STAG1: variants seen among roughly 807,000 people sequenced by gnomAD.
The protein encoded by STAG1 is STAG1 cohesin complex component, also known as cohesin subunit SA-1.
Under a neutral mutation model 170.9 loss-of-function variants are expected in STAG1, and 26 were observed. The ratio of observed to expected loss-of-function variants is 0.15; its 90% CI spans 0.11 to 0.21. The LOEUF is 0.21. Ranked by LOEUF, STAG1 falls within the 10% of genes least tolerant of loss-of-function variation. The pLI is 1.00. For synonymous variants in STAG1, 514 were observed against 497.7 expected (o/e 1.03, Z -0.44); for missense variants, 964 against 1,509.5 (o/e 0.64, Z 5.99).
intron 1 of STAG1, among the ~76,000 whole-genome samples, chr3:136,693,950 CATGTT>C (rs1942804264): frequency 6.6e-6 from 1 of 152,062 alleles, no homozygotes; most frequent in South Asian, 2.1e-4. Flanking sequence ...TCTCCCATTC[CATGTT>C]AGCTCTTTTA....
intron 1 of STAG1, among the ~76,000 whole-genome samples, chr3:136,663,073 A>AAAATT (rs907243711): frequency 1.3e-5 from 2 of 152,076 alleles, no homozygotes; most frequent in Admixed American, 1.3e-4. Context: ...ATAAAATAGT[A>AAAATT]AAATTAAATT....
chr3:136,358,014 A>G (rs781267261), intron 27 of STAG1, among the ~76,000 whole-genome samples, 166 bp from the exon 28 acceptor site: 2 of 152,182 alleles, frequency 1.3e-5, no homozygotes, highest in Non-Finnish European at 2.9e-5. Flanking sequence ...ATATTTGTGT[A>G]TATTTATAGT....
intron 1 of STAG1, among the ~76,000 whole-genome samples, chr3:136,687,576 T>C (rs947318426): frequency 6.6e-6 from 1 of 152,056 alleles, no homozygotes; most frequent in African/African-American, 2.4e-5. Context: ...TAGTAAAAAT[T>C]TGTTATAAAG....
intron 3 of STAG1, among the ~76,000 whole-genome samples, chr3:136,613,621 G>A (rs1308619531): frequency 1.3e-5 from 2 of 152,058 alleles, no homozygotes; most frequent in Non-Finnish European, 2.9e-5. Flanking sequence ...CAAGGAGATG[G>A]GATTACAGGT....
chr3:136,656,164 T>TA (rs111866086), intron 1 of STAG1, among the ~76,000 whole-genome samples: 5,989 of 136,628 alleles, frequency 0.044, 149 homozygotes, highest in African/African-American at 0.074. Flanking sequence ...CGCAAAAAAA[T>TA]AAAAAAAAAA....
At chr3:136,714,953 A>ATATATATTT (rs1553770534) in intron 1 of STAG1, among the ~76,000 whole-genome samples, 2 of 91,018 alleles carry the variant, frequency 2.2e-5, no homozygotes, top group Non-Finnish European at 4.8e-5. Flanking sequence ...ATATATATAT[A>ATATATATTT]TATATATATA....
At chr3:136,738,513 C>T (rs1312927567) in intron 1 of STAG1, among the ~76,000 whole-genome samples, 1 of 151,820 alleles carries the variant, frequency 6.6e-6, no homozygotes, top group Non-Finnish European at 1.5e-5. Context: ...TAGCTGGACA[C>T]GGTGGCACGC....
intron 13 of STAG1, among the ~76,000 whole-genome samples, chr3:136,457,451 C>T (rs959372823): frequency 3.3e-5 from 5 of 152,228 alleles, no homozygotes; most frequent in African/African-American, 1.2e-4. Context: ...TTTACCCCCA[C>T]ATCCAAACGT....
At chr3:136,550,311 C>CTTTTTTTTTTTTTTGAGCCT (rs1559873738) in intron 5 of STAG1, among the ~76,000 whole-genome samples, 2 of 141,442 alleles carry the variant, frequency 1.4e-5, no homozygotes, top group African/African-American at 5.2e-5. Flanking sequence ...TCTGTTCAGC[C>CTTTTTTTTTTTTTTGAGCCT]TTTTTTTTTT....
rs1181922025 is a variant in STAG1, at chr3:136,337,211, T to C, written c.*1043A>G. The C allele has an allele frequency of 4.6e-5, 7 of 152,634 alleles. No homozygotes were observed. The highest frequency in any genetic ancestry group is 7.2e-5 in the African/African-American group (3 of 41,454). The allele number at this position is 152,634 out of a possible 1,614,324, so 9.5% of individuals were successfully genotyped here. On this transcript the variant is annotated 3_prime_UTR_variant, in exon 34 of 34. Transcript: ENST00000383202. ...AATCAGTAAACTTAATTCACAAAATTAGCGCATAAGGGTATTAAGTGCATG... is the reference window on the plus strand; with the variant it reads ...AATCAGTAAACTTAATTCACAAAATCAGCGCATAAGGGTATTAAGTGCATG...
At chr3:136,579,350 A>C (rs1436147209) in intron 4 of STAG1, among the ~76,000 whole-genome samples, 1 of 152,186 alleles carries the variant, frequency 6.6e-6, no homozygotes, top group Non-Finnish European at 1.5e-5. Flanking sequence ...TTGGTTATCT[A>C]ATATCTCACA....
intron 13 of STAG1, among the ~76,000 whole-genome samples, chr3:136,463,938 G>A (rs2089368085): frequency 6.8e-6 from 1 of 147,476 alleles, no homozygotes; most frequent in African/African-American, 2.5e-5. Flanking sequence ...ATGATTTAAA[G>A]AATGAGTTAA....
intron 22 of STAG1, among the ~76,000 whole-genome samples, chr3:136,380,591 T>C (rs911005210): frequency 2.6e-5 from 4 of 151,872 alleles, no homozygotes; most frequent in African/African-American, 9.7e-5. Flanking sequence ...TCTAAAGATA[T>C]GGATAGATGA....
Position 136,584,365 on chromosome 3 carries a change from T to C in STAG1, c.298-15504A>G, listed in dbSNP as rs114677758. On this transcript the variant is annotated intron_variant, in intron 4 of 33. Transcript: ENST00000383202. Reference sequence around the variant, plus strand: ...CAGTAACCTTGGAATATTACAGTACTTACTTTTTAGGTACTTTATGATAAC... The same window carrying C: ...CAGTAACCTTGGAATATTACAGTACCTACTTTTTAGGTACTTTATGATAAC... Among the ~76,000 whole-genome samples, 311 of 152,356 alleles carry C rather than the reference T, an allele frequency of 2.0e-3. 1 individual carries two copies. The highest frequency in any genetic ancestry group is 7.1e-3 in the African/African-American group (296 of 41,572).
chr3:136,699,601 A>G (rs1382930548), intron 1 of STAG1, among the ~76,000 whole-genome samples: 1 of 151,714 alleles, frequency 6.6e-6, no homozygotes, highest in African/African-American at 2.4e-5. Context: ...CTGGATTACC[A>G]GGGTGAGACA....
intron 1 of STAG1, among the ~76,000 whole-genome samples, chr3:136,672,454 T>C (rs1942006023): frequency 6.6e-6 from 1 of 152,350 alleles, no homozygotes; most frequent in South Asian, 2.1e-4. Context: ...TTTCCAGATA[T>C]ATTGTATTCC....
At chr3:136,391,220 AG>A (rs2087000473) in intron 22 of STAG1, among the ~76,000 whole-genome samples, 1 of 152,166 alleles carries the variant, frequency 6.6e-6, no homozygotes, top group African/African-American at 2.4e-5. Flanking sequence ...ATTGCAGTCT[AG>A]AATAGAAACA....
chr3:136,404,249 C>A (rs1242380239), intron 21 of STAG1, among the ~76,000 whole-genome samples: 1 of 152,162 alleles, frequency 6.6e-6, no homozygotes, highest in African/African-American at 2.4e-5. Flanking sequence ...TGGAGAGGAT[C>A]ATCAAATGAC....
At chr3:136,573,748 G>A (rs557361636) in intron 4 of STAG1, among the ~76,000 whole-genome samples, 5 of 152,224 alleles carry the variant, frequency 3.3e-5, no homozygotes, top group Admixed American at 6.5e-5. Context: ...CGAAGCGGGC[G>A]GATCACGAGG....
Sources: gnomAD v4.1 joint callset for allele counts (sites outside exome capture counted in the v4.1 genomes callset) on GRCh38, gnomAD v4.1.1 for gene constraint, MANE v1.5 for transcripts, NCBI Gene and HGNC (gene_info 2026-07-23, HGNC 2026-07-21) for gene names.